MYO16: variants seen among roughly 807,000 people sequenced by gnomAD.
MYO16 encodes the protein unconventional myosin-XVI.
Under a neutral mutation model 205.3 loss-of-function variants are expected in MYO16, and 94 were observed. The observed-to-expected ratio is 0.46, with a 90% CI of 0.39 to 0.54. The LOEUF (loss-of-function observed/expected upper bound fraction) is 0.54. Ranked by LOEUF, MYO16 falls within the 20% of genes least tolerant of loss-of-function variation. MYO16 has a pLI of 0.00. For missense variants in MYO16, 2,315 were observed against 2,387.5 expected (o/e 0.97, Z 0.63); for synonymous variants, 988 against 954.0 (o/e 1.04, Z -0.66).
intron 28 of MYO16, among the ~76,000 whole-genome samples, chr13:109,117,406 ATATGTGTATATATG>A (rs1566514401): frequency 5.4e-4 from 78 of 145,520 alleles, no homozygotes; most frequent in Non-Finnish European, 1.0e-4. Flanking sequence ...ATGTATATAT[ATATGTGTATATATG>A]TATATGTGTA....
At chr13:108,837,207 T>C (rs975137452) in intron 9 of MYO16, among the ~76,000 whole-genome samples, 1 of 152,202 alleles carries the variant, frequency 6.6e-6, no homozygotes, top group African/African-American at 2.4e-5. Flanking sequence ...TTTATAAGCA[T>C]CTGGCTTTTC....
chr13:109,049,949 TGTGTG>T, intron 24 of MYO16, among the ~76,000 whole-genome samples: 1 of 144,100 alleles, frequency 6.9e-6, no homozygotes, highest in African/African-American at 2.5e-5. Flanking sequence ...TGTGTGTGTG[TGTGTG>T]TGTGTGTGTG....
chr13:108,712,785 A>C, intron 3 of MYO16, 54 bp downstream of exon 3: 1 of 1,424,294 alleles, frequency 7.0e-7, no homozygotes, highest in Non-Finnish European at 9.6e-7. Flanking sequence ...GGGAGAGTAC[A>C]TTACAGGTTC....
Position 109,206,804 on chromosome 13 carries a change from C to T in MYO16, c.5611C>T (p.Leu1871=), listed in dbSNP as rs751947993. The T allele has an allele frequency of 1.3e-5, 21 of 1,614,026 alleles. No individual in the cohort carries two copies. The highest frequency in any genetic ancestry group is 3.4e-6 in the Non-Finnish European group (4 of 1,180,016). ...GCCGGAAGGGGCCTCCTGCAACAGG[C>T]TGCCGTCTGAGCTCTGGGACACCAC... The part of the protein sequence containing the change: ...KKPEGASCNR[L]PSELWDTTI Residue 1871 remains leucine (L), a synonymous_variant, in exon 35 of 35, where the codon CTG becomes TTG. Coordinates refer to ENST00000457511, the MANE Select transcript of MYO16 (RefSeq NM_001198950.3).
chr13:108,565,557 A>C, the MYO16 span, among the ~76,000 whole-genome samples: 16 of 152,212 alleles, frequency 1.1e-4, no homozygotes, highest in East Asian at 2.7e-3. Context: ...TTTGTTTATC[A>C]GTTCTGGTAG....
chr13:109,175,650 A>C (rs1382894151), intron 33 of MYO16, among the ~76,000 whole-genome samples: 1 of 152,112 alleles, frequency 6.6e-6, no homozygotes, highest in Non-Finnish European at 1.5e-5. Flanking sequence ...GGACACATGA[A>C]TCTCTAAGCT....
At chr13:108,962,343 T>A in intron 18 of MYO16, 81 bp from the exon 19 acceptor site, 2 of 1,102,238 alleles carry the variant, frequency 1.8e-6, no homozygotes, top group African/African-American at 1.6e-5. Context: ...ATAAAACTTA[T>A]CAATTATGGC....
the MYO16 span, among the ~76,000 whole-genome samples, chr13:108,543,875 G>A: frequency 6.7e-6 from 1 of 149,344 alleles, no homozygotes; most frequent in African/African-American, 2.5e-5. Context: ...AGACCAGCCC[G>A]GCCAACATGG....
intron 6 of MYO16, among the ~76,000 whole-genome samples, chr13:108,796,779 A>G (rs1594301112): frequency 2.3e-5 from 2 of 85,258 alleles, no homozygotes; most frequent in African/African-American, 3.9e-5. Context: ...GGGTGGGGGG[A>G]GCGGGGAGGG....
chr13:108,799,096 A>G (rs565794316), intron 6 of MYO16, among the ~76,000 whole-genome samples: 9 of 152,316 alleles, frequency 5.9e-5, no homozygotes, highest in Admixed American at 4.6e-4. Flanking sequence ...TATTTCAGTA[A>G]TGCTGGTTCA....
chr13:108,772,671 A>T (rs1886004907), intron 4 of MYO16, among the ~76,000 whole-genome samples: 1 of 152,184 alleles, frequency 6.6e-6, no homozygotes, highest in African/African-American at 2.4e-5. Context: ...GTAATTCAAC[A>T]TGTTGATGTT....
intron 4 of MYO16, among the ~76,000 whole-genome samples, chr13:108,773,102 G>A (rs1886020549): frequency 6.6e-6 from 1 of 152,122 alleles, no homozygotes; most frequent in African/African-American, 2.4e-5. Flanking sequence ...AAAGGCGAGG[G>A]AGCCGTTTAG....
chr13:109,057,584 T>C lies in MYO16; in HGVS notation c.3335+1989T>C, dbSNP rs1887454123. Among the ~76,000 whole-genome samples the C allele has an allele frequency of 2.0e-5, 3 of 152,168 alleles. No individual in the cohort carries two copies. The South Asian group carries it at 6.3e-4, about 32-fold the overall frequency. ...AAGGACGGCTCCTGACTCGTCTCTT[T>C]CTGGTCCCTCGGTGGATATCCCTTC... On this transcript the variant is annotated intron_variant, in intron 27 of 34. Coordinates refer to ENST00000457511, the MANE Select transcript of MYO16 (RefSeq NM_001198950.3).
chr13:108,965,706 C>T (rs1435733741), intron 20 of MYO16, among the ~76,000 whole-genome samples: 2 of 152,076 alleles, frequency 1.3e-5, no homozygotes, highest in Non-Finnish European at 2.9e-5. Context: ...GCGCCCGGCC[C>T]CTAAACATCT....
intron 21 of MYO16, among the ~76,000 whole-genome samples, chr13:108,996,065 A>G (rs910092235): frequency 9.3e-4 from 141 of 152,352 alleles, no homozygotes; most frequent in Non-Finnish European, 3.8e-4. Flanking sequence ...AGTTTGACCC[A>G]GCCATCCCAT....
At chr13:108,776,747 T>G (rs1180700720) in intron 4 of MYO16, among the ~76,000 whole-genome samples, 1 of 152,190 alleles carries the variant, frequency 6.6e-6, no homozygotes, top group East Asian at 1.9e-4. Flanking sequence ...AGTAATATAT[T>G]ATCAAGATTT....
chr13:108,634,865 G>A (rs7987298), intron 1 of MYO16, among the ~76,000 whole-genome samples: 9,727 of 152,126 alleles, frequency 0.064, 430 homozygotes, highest in South Asian at 0.19. Flanking sequence ...ATGGCTTTAA[G>A]CATCATCTAT....
chr13:108,798,685 CTTATTTTTTT>C (rs1886866312), intron 6 of MYO16, among the ~76,000 whole-genome samples: 1 of 105,210 alleles, frequency 9.5e-6, no homozygotes, highest in African/African-American at 3.6e-5. Context: ...GGCCCCGAGG[CTTATTTTTTT>C]TTTTTTTTTT....
chr13:108,906,809 A>T (rs986433576), intron 15 of MYO16, among the ~76,000 whole-genome samples: 2 of 152,176 alleles, frequency 1.3e-5, no homozygotes, highest in African/African-American at 4.8e-5. Context: ...TGTTACTGAT[A>T]GGAAAAATGA....
Sources: gnomAD v4.1 joint callset for allele counts (sites outside exome capture counted in the v4.1 genomes callset) on GRCh38, gnomAD v4.1.1 for gene constraint, MANE v1.5 for transcripts, NCBI Gene and HGNC (gene_info 2026-07-23, HGNC 2026-07-21) for gene names.